GPC5: variants seen among roughly 807,000 people sequenced by gnomAD.
The protein encoded by GPC5 is glypican-5.
A neutral mutation model predicts 53.9 loss-of-function variants in GPC5; 47 were observed. The ratio of observed to expected loss-of-function variants is 0.87; its 90% CI spans 0.69 to 1.11. The LOEUF is 1.11. Ranked by LOEUF, GPC5 falls within the 50% of genes most tolerant of loss-of-function variation. GPC5 has a pLI of 0.00. For missense variants in GPC5, 748 were observed against 713.1 expected (o/e 1.05, Z -0.56); for synonymous variants, 286 against 263.3 (o/e 1.09, Z -0.84).
At chr13:91,717,429 C>T (rs10162160) in intron 3 of GPC5, among the ~76,000 whole-genome samples, 83 of 152,254 alleles carry the variant, frequency 5.5e-4, no homozygotes, top group African/African-American at 2.0e-3. Flanking sequence ...GAGAGAAAGT[C>T]GGCAAGGTAG....
At chr13:91,564,803 T>G (rs2031450580) in intron 2 of GPC5, among the ~76,000 whole-genome samples, 1 of 152,182 alleles carries the variant, frequency 6.6e-6, no homozygotes, top group Non-Finnish European at 1.5e-5. Flanking sequence ...TTGTTTAGTC[T>G]TTAAGTGATT....
chr13:92,454,191 T>G (rs1878176069), intron 7 of GPC5, among the ~76,000 whole-genome samples: 1 of 150,574 alleles, frequency 6.6e-6, no homozygotes, highest in Non-Finnish European at 1.5e-5. Context: ...ATCTCCAGGT[T>G]TGTGATGAGT....
rs992991551 is a variant in GPC5, at chr13:91,500,358, G to A, written c.325+51436G>A. ...TCCAGGTAGGAGAGGAAGAATCTTG[G>A]TCAGCCAATGTGGCTGGCCATCTGA... On this transcript the variant is annotated intron_variant, in intron 2 of 7. Transcript: ENST00000377067. 3.3e-5 allele frequency among the ~76,000 whole-genome samples: 5 copies of A among 152,136 alleles called. No homozygotes were observed. In the East Asian group the frequency reaches 9.6e-4, roughly 29 times the overall value.
At chr13:92,792,157 A>C (rs1220606177) in intron 7 of GPC5, among the ~76,000 whole-genome samples, 1 of 152,138 alleles carries the variant, frequency 6.6e-6, no homozygotes, top group Non-Finnish European at 1.5e-5. Context: ...GGGCAGCCAG[A>C]GAGAAAGGTT....
At chr13:92,381,986 CTATCTATCTATCTATCTATA>C (rs1455282486) in intron 7 of GPC5, among the ~76,000 whole-genome samples, 4 of 143,630 alleles carry the variant, frequency 2.8e-5, no homozygotes, top group Admixed American at 7.1e-5. Flanking sequence ...ATCTATCTAT[CTATCTATCTATCTATCTATA>C]TATCTATCTG....
chr13:92,838,741 A>C (rs1878314118), intron 7 of GPC5, among the ~76,000 whole-genome samples: 1 of 152,176 alleles, frequency 6.6e-6, no homozygotes, highest in African/African-American at 2.4e-5. Context: ...ATATATAAAA[A>C]GATAGGGAAT....
At chr13:91,418,498 G>A (rs925339520) in intron 1 of GPC5, among the ~76,000 whole-genome samples, 6 of 152,134 alleles carry the variant, frequency 3.9e-5, no homozygotes, top group Non-Finnish European at 1.5e-5. Context: ...GATTCTGCAG[G>A]AAAGAAAAGG....
chr13:91,480,454 T>C (rs1406037366), intron 2 of GPC5, among the ~76,000 whole-genome samples: 3 of 152,222 alleles, frequency 2.0e-5, no homozygotes, highest in Admixed American at 1.3e-4. Context: ...GTTACTTGAA[T>C]GCATAGGAAA....
chr13:92,160,180 G>T (rs1007521414), intron 7 of GPC5, among the ~76,000 whole-genome samples: 1 of 152,146 alleles, frequency 6.6e-6, no homozygotes, highest in African/African-American at 2.4e-5. Context: ...AAAGTGCTGG[G>T]ATTATAGGCA....
intron 6 of GPC5, among the ~76,000 whole-genome samples, chr13:92,073,612 T>A (rs1010965073): frequency 6.6e-6 from 1 of 152,240 alleles, no homozygotes; most frequent in Non-Finnish European, 1.5e-5. Context: ...TTCCTGAGTT[T>A]CATTATTGAT....
At chr13:91,753,937 C>T (rs1331304229) in intron 4 of GPC5, among the ~76,000 whole-genome samples, 1 of 152,144 alleles carries the variant, frequency 6.6e-6, no homozygotes, top group African/African-American at 2.4e-5. Context: ...CAGGTGCTCT[C>T]TTGCTTACCT....
intron 7 of GPC5, among the ~76,000 whole-genome samples, chr13:92,822,090 CTTG>C (rs1224622326): frequency 6.6e-6 from 1 of 151,974 alleles, no homozygotes; most frequent in Non-Finnish European, 1.5e-5. Context: ...TATTTAGCCT[CTTG>C]TTATTTTTTT....
chr13:92,179,531 A>C (rs1389115472), intron 7 of GPC5, among the ~76,000 whole-genome samples: 1 of 152,206 alleles, frequency 6.6e-6, no homozygotes, highest in Non-Finnish European at 1.5e-5. Flanking sequence ...ACAACTCACT[A>C]TGCTATTGAA....
chr13:92,073,858 C>T (rs1226512924), intron 6 of GPC5, among the ~76,000 whole-genome samples: 2 of 152,062 alleles, frequency 1.3e-5, no homozygotes, highest in South Asian at 4.1e-4. Flanking sequence ...CCCAGTGGGA[C>T]GTAATTGAAT....
At chr13:92,458,445 C>A (rs1046806053) in intron 7 of GPC5, among the ~76,000 whole-genome samples, 11 of 151,930 alleles carry the variant, frequency 7.2e-5, no homozygotes, top group Admixed American at 6.6e-5. Flanking sequence ...ATTACAGGGG[C>A]CTACCACCAT....
rs1352651757 is a variant in GPC5 at position 92,104,265 on chromosome 13, A to T, written c.1402-40565A>T. On this transcript the variant is annotated intron_variant, in intron 6 of 7. Transcript: ENST00000377067. ...TTTGGGGTTTGTTTTGAAGGCTACC[A>T]GGGAGCAGGGGTACAGTATAGATCA... 2.0e-5 allele frequency among the ~76,000 whole-genome samples: 3 copies of T among 152,162 alleles called. No individual in the cohort carries two copies. In the South Asian group the frequency reaches 6.2e-4, roughly 31 times the overall value.
intron 7 of GPC5, among the ~76,000 whole-genome samples, chr13:92,834,399 CA>C (rs1183313671): frequency 6.6e-6 from 1 of 151,932 alleles, no homozygotes; most frequent in Non-Finnish European, 1.5e-5. Context: ...ACAATTCATC[CA>C]AAAATTGCTT....
chr13:91,813,789 T>C (rs1471101196), intron 5 of GPC5, among the ~76,000 whole-genome samples: 2 of 151,954 alleles, frequency 1.3e-5, no homozygotes. Context: ...AATAAGAAAA[T>C]AAGCATAGCA....
chr13:92,541,841 G>A (rs1198887231), intron 7 of GPC5, among the ~76,000 whole-genome samples: 1 of 151,536 alleles, frequency 6.6e-6, no homozygotes, highest in Non-Finnish European at 1.5e-5. Context: ...TTTTCCACAG[G>A]GATATTCAGT....
Sources: allele counts gnomAD v4.1 joint callset (sites outside exome capture counted in the v4.1 genomes callset), GRCh38; gene constraint gnomAD v4.1.1; transcripts MANE v1.5; gene names NCBI Gene and HGNC (gene_info 2026-07-23, HGNC 2026-07-21).